Variants in DPH6 observed in about 807,000 individuals in gnomAD.
The protein encoded by DPH6 is diphthine--ammonia ligase.
Under a neutral mutation model 38.2 loss-of-function variants are expected in DPH6, and 33 were observed. That is an observed-to-expected ratio of 0.86 (90% CI 0.65 to 1.15). DPH6 has a LOEUF of 1.15. DPH6 is among the 50% of genes most tolerant of loss of function. The pLI, the probability that DPH6 is intolerant of heterozygous loss-of-function variation, is 0.00. For synonymous variants in DPH6, 108 were observed against 103.0 expected (o/e 1.05, Z -0.30); for missense variants, 325 against 320.0 (o/e 1.02, Z -0.12).
chr15:35,454,391 T>G (rs969982505), intron 4 of DPH6, among the ~76,000 whole-genome samples: 3 of 152,160 alleles, frequency 2.0e-5, no homozygotes, highest in African/African-American at 7.2e-5. Flanking sequence ...ATTACTGTAT[T>G]CCTTTTATTA....
At chr15:35,296,996 C>A (rs1028782327) in intron 3 of DPH6, among the ~76,000 whole-genome samples, 8 of 152,142 alleles carry the variant, frequency 5.3e-5, no homozygotes, top group African/African-American at 1.9e-4. Context: ...AGTCCATAGC[C>A]TGATGAGCCC....
chr15:35,230,989 C>T (rs898793998), intron 3 of DPH6, among the ~76,000 whole-genome samples: 9 of 152,178 alleles, frequency 5.9e-5, no homozygotes, highest in South Asian at 2.1e-4. Flanking sequence ...GGGTGATGCC[C>T]GTACTCCCTT....
intron 3 of DPH6, among the ~76,000 whole-genome samples, chr15:35,285,889 T>TTTTTTTTTTTTTTTTTTTTA (rs1566859804): frequency 6.9e-6 from 1 of 144,302 alleles, no homozygotes; most frequent in Non-Finnish European, 1.5e-5. Context: ...TTTTTTTTTT[T>TTTTTTTTTTTTTTTTTTTTA]ACCTGAGACC....
intron 6 of DPH6, among the ~76,000 whole-genome samples, chr15:35,410,197 T>C (rs2140992917): frequency 6.6e-6 from 1 of 151,906 alleles, no homozygotes; most frequent in Middle Eastern, 3.4e-3. Flanking sequence ...ATCATCATGG[T>C]AGAATATAAA....
rs140360893 is a variant in DPH6, at chr15:35,406,861, T to C, written c.567+3974A>G. Among the ~76,000 whole-genome samples the C allele has an allele frequency of 3.7e-3, 560 of 152,044 alleles. 2 individuals are homozygous for C. Among genetic ancestry groups the C allele is most frequent in the African/African-American group, 0.012 (509 of 41,496 alleles). Reference sequence around the variant, plus strand: ...TACATGTCTGAAACACAGGAAAATGTTGGAGAAATAGACTTAGTTGTTACA... The same window carrying C: ...TACATGTCTGAAACACAGGAAAATGCTGGAGAAATAGACTTAGTTGTTACA... On this transcript the variant is annotated intron_variant, in intron 6 of 8. Transcript: ENST00000256538.
At position 35,299,517 on chromosome 15, in the gene DPH6, G is replaced by A. The variant is rs901932578; in HGVS notation, n.200+74004C>T. The A allele has an allele frequency of 4.9e-5, 32 of 656,592 alleles. 1 individual carries two copies. In the African/African-American group the frequency reaches 5.6e-4, roughly 12 times the overall value. The allele number at this position is 656,592 out of a possible 1,614,324, so 40.7% of individuals were successfully genotyped here. A position where few individuals can be genotyped will look rare whatever the true frequency, so the allele number is the denominator to read the frequency against. On this transcript the variant is annotated intron_variant and non_coding_transcript_variant, in intron 3 of 3. Coordinates refer to the DPH6 transcript ENST00000560386. ...GGTGGCGGCAGCGCGGAGCCGGGGAGGCAGGAGCCAACGGCGGCACCACCC... is the reference window on the plus strand; with the variant it reads ...GGTGGCGGCAGCGCGGAGCCGGGGAAGCAGGAGCCAACGGCGGCACCACCC...
rs1255004254 is a variant in DPH6 at position 35,546,152 on chromosome 15, G to A, written c.-11C>T. 2 of 1,378,296 alleles carry A rather than the reference G, an allele frequency of 1.5e-6. No homozygotes were observed. 85.4% of individuals were successfully genotyped at this position (1,378,296 alleles called of 1,614,324 possible). A position where few individuals can be genotyped will look rare whatever the true frequency, so the allele number is the denominator to read the frequency against. ...AGCCGCGACCCTCATGCTGGGCGCA[G>A]TGCGCGTGCGTGCGGCGAGCGCGGG... On this transcript the variant is annotated 5_prime_UTR_variant, in exon 1 of 9. Transcript: ENST00000256538.
chr15:35,230,354 G>A (rs1348826004), intron 3 of DPH6, among the ~76,000 whole-genome samples: 2 of 152,094 alleles, frequency 1.3e-5, no homozygotes, highest in Non-Finnish European at 2.9e-5. Flanking sequence ...TTCCCTTAAG[G>A]CCCAAGGGCT....
chr15:35,279,710 T>A (rs935335090), intron 3 of DPH6, among the ~76,000 whole-genome samples: 7 of 152,164 alleles, frequency 4.6e-5, no homozygotes, highest in Non-Finnish European at 8.8e-5. Context: ...GCCAGCACCG[T>A]GCTTCCTGTG....
intron 5 of DPH6, among the ~76,000 whole-genome samples, chr15:35,415,171 G>C (rs2053420056): frequency 1.3e-5 from 2 of 151,892 alleles, no homozygotes; most frequent in Admixed American, 1.3e-4. Flanking sequence ...CCATGGGTTT[G>C]GGAAATATGT....
chr15:35,367,791 C>A (rs1293410369), downstream of DPH6, among the ~76,000 whole-genome samples: 1 of 151,502 alleles, frequency 6.6e-6, no homozygotes, highest in African/African-American at 2.4e-5. Flanking sequence ...TCAAAATTTA[C>A]ACTAACAATA....
chr15:35,269,746 T>G (rs1047337643), intron 3 of DPH6, among the ~76,000 whole-genome samples: 1 of 144,804 alleles, frequency 6.9e-6, no homozygotes, highest in African/African-American at 2.5e-5. Flanking sequence ...CAGGACTTCA[T>G]TTTATGTATT....
chr15:35,342,613 T>C (rs970946573), intron 3 of DPH6, among the ~76,000 whole-genome samples: 4 of 152,242 alleles, frequency 2.6e-5, no homozygotes, highest in Admixed American at 1.3e-4. Flanking sequence ...TAATTGGCCA[T>C]GTTGGCCCCT....
intron 3 of DPH6, among the ~76,000 whole-genome samples, chr15:35,472,481 C>A (rs1412376031): frequency 6.6e-6 from 1 of 152,078 alleles, no homozygotes; most frequent in East Asian, 1.9e-4. Context: ...CCTCCAATCT[C>A]CCCAGTACCT....
At chr15:35,242,550 T>C (rs2051607964) in intron 3 of DPH6, among the ~76,000 whole-genome samples, 2 of 143,726 alleles carry the variant, frequency 1.4e-5, no homozygotes, top group Non-Finnish European at 3.1e-5. Flanking sequence ...TACAGTCTGA[T>C]AACAGACCAG....
chr15:35,358,327 C>T (rs2052585351), intron 3 of DPH6, among the ~76,000 whole-genome samples: 1 of 152,020 alleles, frequency 6.6e-6, no homozygotes, highest in Non-Finnish European at 1.5e-5. Flanking sequence ...CTTTGCCTTT[C>T]TCTGGTCCCT....
chr15:35,448,000 A>G lies in DPH6; in HGVS notation c.505+2685T>C, dbSNP rs1180995860. ...ACCAGTATAGTTTTTCTAGTGATCA[A>G]TTTAGTTACTTTGCAAACAAATATA... On this transcript the variant is annotated intron_variant, in intron 5 of 8. Transcript: ENST00000256538. Among the ~76,000 whole-genome samples the G allele has an allele frequency of 2.0e-5, 3 of 152,190 alleles. No individual in the cohort carries two copies. In the East Asian group the frequency reaches 5.8e-4, roughly 29 times the overall value.
At chr15:35,541,869 C>T (rs73384514) in intron 2 of DPH6, among the ~76,000 whole-genome samples, 32,875 of 151,966 alleles carry the variant, frequency 0.22, 5,773 homozygotes, top group African/African-American at 0.49. Flanking sequence ...TATGTGGATG[C>T]CCTTGTTACT....
chr15:35,437,148 C>A (rs2053727162), intron 5 of DPH6, among the ~76,000 whole-genome samples: 1 of 152,010 alleles, frequency 6.6e-6, no homozygotes, highest in Non-Finnish European at 1.5e-5. Flanking sequence ...AAGAGGGATG[C>A]CTCACTTTCT....
Sources: allele counts gnomAD v4.1 joint callset (sites outside exome capture counted in the v4.1 genomes callset), GRCh38; gene constraint gnomAD v4.1.1; transcripts MANE v1.5; gene names NCBI Gene and HGNC (gene_info 2026-07-23, HGNC 2026-07-21).